PHACTR3: variants seen among roughly 807,000 people sequenced by gnomAD.
The protein encoded by PHACTR3 is protein phosphatase 1, regulatory subunit 123.
A neutral mutation model predicts 66.8 loss-of-function variants in PHACTR3; 16 were observed. That is an observed-to-expected ratio of 0.24 (90% confidence interval 0.16 to 0.36). The LOEUF (loss-of-function observed/expected upper bound fraction) is 0.36, where lower values mean the gene tolerates loss of function less well. Ranked by LOEUF, PHACTR3 falls within the 10% of genes least tolerant of loss-of-function variation. The pLI is 1.00. For missense variants in PHACTR3, 647 were observed against 719.9 expected (o/e 0.90, Z 1.16); for synonymous variants, 323 against 292.1 (o/e 1.11, Z -1.08).
At chr20:59,622,173 C>A (rs566105681) in intron 1 of PHACTR3, among the ~76,000 whole-genome samples, 1 of 151,322 alleles carries the variant, frequency 6.6e-6, no homozygotes, top group Admixed American at 6.6e-5. Context: ...ACATAACTTC[C>A]CCTCATTTTT....
intron 7 of PHACTR3, among the ~76,000 whole-genome samples, chr20:59,777,473 G>A (rs970627875): frequency 3.9e-5 from 6 of 152,240 alleles, no homozygotes; most frequent in East Asian, 1.9e-4. Flanking sequence ...TGGCTGGGCC[G>A]GTCCATGGCC....
intron 5 of PHACTR3, among the ~76,000 whole-genome samples, chr20:59,769,136 T>C (rs1361425756): frequency 6.6e-6 from 1 of 152,236 alleles, no homozygotes; most frequent in Non-Finnish European, 1.5e-5. Flanking sequence ...GCTCAAGCTG[T>C]TTCTCCTCCA....
intron 1 of PHACTR3, among the ~76,000 whole-genome samples, chr20:59,632,561 A>T (rs776610961): frequency 1.3e-5 from 2 of 152,150 alleles, no homozygotes; most frequent in Non-Finnish European, 2.9e-5. Context: ...AGCAAAGACA[A>T]TTTTGAAGGT....
In PHACTR3 at chr20:59,819,587, G is replaced by A. The variant is rs538273685; in HGVS notation, c.1328+13393G>A. 1.6e-3 allele frequency among the ~76,000 whole-genome samples: 243 copies of A among 152,024 alleles called. 1 individual carries two copies. Among genetic ancestry groups the A allele is most frequent in the South Asian group, 7.1e-3 (34 of 4,802 alleles). ...AATGGTGGGAAGGTGAGTCTGAGCC[G>A]GGACCCTGCAGATCCCACAGGTCCA... On this transcript the variant is annotated intron_variant, in intron 8 of 12. Transcript: ENST00000371015.
intron 1 of PHACTR3, among the ~76,000 whole-genome samples, chr20:59,599,263 G>A (rs1045981814): frequency 6.6e-6 from 1 of 152,128 alleles, no homozygotes; most frequent in Non-Finnish European, 1.5e-5. Flanking sequence ...GGGAGACTAC[G>A]ACCTCCCAGG....
intron 1 of PHACTR3, among the ~76,000 whole-genome samples, chr20:59,661,453 G>A (rs2035802703): frequency 1.3e-5 from 2 of 152,104 alleles, no homozygotes; most frequent in Admixed American, 1.3e-4. Context: ...ACAGCCCTAG[G>A]AGACTCACAT....
chr20:59,840,974 T>G (rs1431658136), intron 10 of PHACTR3, among the ~76,000 whole-genome samples: 1 of 152,244 alleles, frequency 6.6e-6, no homozygotes, highest in Non-Finnish European at 1.5e-5. Flanking sequence ...TGTTCTGGAT[T>G]CCCCTTCTTC....
At chr20:59,743,053 G>A (rs1601240932) in intron 1 of PHACTR3, 54 bp from the exon 2 acceptor site, 1 of 1,575,510 alleles carries the variant, frequency 6.3e-7, no homozygotes, top group Non-Finnish European at 8.6e-7. Context: ...GGGCCCCCAG[G>A]AGTCACATAG....
At chr20:59,694,777 A>G (rs1356779374) in intron 1 of PHACTR3, among the ~76,000 whole-genome samples, 2 of 152,072 alleles carry the variant, frequency 1.3e-5, no homozygotes. Flanking sequence ...CAGCTGATGA[A>G]GGCACTAGGA....
In PHACTR3 at chr20:59,604,560, G is replaced by A. The variant is rs1270938919; in HGVS notation, c.-455G>A. On this transcript the variant is annotated 5_prime_UTR_variant, in exon 1 of 13. Transcript: ENST00000371015. ...CTTTCAGATTAAAGCAATTGCAAGA[G>A]CAAAGATTCTTCCTTTTCCCTTTTT... The A allele has an allele frequency of 7.1e-6, 6 of 840,412 alleles. No individual in the cohort carries two copies. Among genetic ancestry groups the A allele is most frequent in the Non-Finnish European group, 8.4e-6 (6 of 715,096 alleles). 52.1% of individuals were successfully genotyped at this position (840,412 alleles called of 1,614,324 possible). A position where few individuals can be genotyped will look rare whatever the true frequency, so the allele number is the denominator to read the frequency against.
At chr20:59,747,968 A>C in intron 3 of PHACTR3, 133 bp downstream of exon 3, 3 of 937,840 alleles carry the variant, frequency 3.2e-6, no homozygotes, top group Non-Finnish European at 4.8e-6. Context: ...TGAAGCCTGC[A>C]AGGTTGGAGA....
intron 1 of PHACTR3, among the ~76,000 whole-genome samples, chr20:59,613,833 T>A (rs918447534): frequency 6.6e-6 from 1 of 152,230 alleles, no homozygotes; most frequent in Non-Finnish European, 1.5e-5. Context: ...GATCCAAGCC[T>A]AAACATTATG....
chr20:59,770,932 T>C (rs1444775586), intron 5 of PHACTR3, among the ~76,000 whole-genome samples: 5 of 152,214 alleles, frequency 3.3e-5, no homozygotes, highest in Admixed American at 2.0e-4. Context: ...CTGGGTGCGA[T>C]GTGCTGTTCT....
At chr20:59,711,845 T>G (rs994712701) in intron 1 of PHACTR3, among the ~76,000 whole-genome samples, 3 of 152,210 alleles carry the variant, frequency 2.0e-5, no homozygotes, top group Admixed American at 2.0e-4. Flanking sequence ...GAGTTTAATT[T>G]TCTTTTTTAA....
intron 1 of PHACTR3, among the ~76,000 whole-genome samples, chr20:59,679,038 A>G (rs730275): frequency 0.16 from 24,500 of 152,068 alleles, 2,222 homozygotes; most frequent in East Asian, 0.42. Context: ...TGCACTTTGA[A>G]TCACAGATGG....
upstream of PHACTR3, chr20:59,603,606 G>A (rs576206233): frequency 6.6e-6 from 1 of 152,342 alleles, no homozygotes; most frequent in South Asian, 2.1e-4. Flanking sequence ...GAGGACCCTT[G>A]GTGAGCGACT....
intron 1 of PHACTR3, among the ~76,000 whole-genome samples, chr20:59,647,445 T>A (rs1477590049): frequency 6.6e-6 from 1 of 151,978 alleles, no homozygotes; most frequent in Non-Finnish European, 1.5e-5. Flanking sequence ...GGGTACCAGG[T>A]GGAAGGCCCC....
intron 1 of PHACTR3, among the ~76,000 whole-genome samples, chr20:59,689,919 G>A (rs990732883): frequency 2.6e-5 from 4 of 152,124 alleles, no homozygotes; most frequent in Admixed American, 1.3e-4. Flanking sequence ...GCGCTGGGAG[G>A]ATACAGATGC....
intron 1 of PHACTR3, among the ~76,000 whole-genome samples, chr20:59,740,951 T>C (rs532782607): frequency 1.3e-5 from 2 of 152,350 alleles, no homozygotes; most frequent in African/African-American, 4.8e-5. Flanking sequence ...GTGGCATGCA[T>C]GGGTGCCTTA....
Sources: allele counts gnomAD v4.1 joint callset (sites outside exome capture counted in the v4.1 genomes callset), GRCh38; gene constraint gnomAD v4.1.1; transcripts MANE v1.5; gene names NCBI Gene and HGNC (gene_info 2026-07-23, HGNC 2026-07-21).